The following EPB41L5 variants were observed in gnomAD, a reference collection of about 807,000 sequenced individuals.
The protein encoded by EPB41L5 is erythrocyte membrane protein band 4.1 like 5.
Under a neutral mutation model 106.6 loss-of-function variants are expected in EPB41L5, and 55 were observed. That is an observed-to-expected ratio of 0.52 (90% CI 0.42 to 0.65). EPB41L5 has a LOEUF of 0.65. Ranked by LOEUF, EPB41L5 falls within the 30% of genes least tolerant of loss-of-function variation. The probability of loss-of-function intolerance (pLI) is 0.00; values close to 1 mark genes in which losing one functional copy is unlikely to be tolerated. For synonymous variants in EPB41L5, 297 were observed against 306.7 expected (o/e 0.97, Z 0.33); for missense variants, 871 against 882.1 (o/e 0.99, Z 0.16).
At chr2:120,059,518 ACT>A (rs956383075) in intron 3 of EPB41L5, among the ~76,000 whole-genome samples, 2 of 152,278 alleles carry the variant, frequency 1.3e-5, no homozygotes, top group Non-Finnish European at 1.5e-5. Context: ...TTTGGGAAAG[ACT>A]CTGTTAATAG....
intron 7 of EPB41L5, among the ~76,000 whole-genome samples, chr2:120,076,355 G>T (rs1317363842): frequency 6.6e-6 from 1 of 151,658 alleles, no homozygotes; most frequent in Non-Finnish European, 1.5e-5. Context: ...TTGTCCCCAG[G>T]CTAGAGGGCA....
intron 2 of EPB41L5, among the ~76,000 whole-genome samples, chr2:120,029,586 A>G (rs940392619): frequency 5.6e-4 from 85 of 152,162 alleles, no homozygotes; most frequent in African/African-American, 1.7e-3. Flanking sequence ...AACAGCCTAT[A>G]ATACACCTGT....
intron 5 of EPB41L5, 112 bp downstream of exon 5, chr2:120,074,290 T>A: frequency 1.5e-6 from 1 of 686,584 alleles, no homozygotes; most frequent in Non-Finnish European, 2.4e-6. Flanking sequence ...TGTCCCCTGG[T>A]AACAAGACCT....
intron 20 of EPB41L5, among the ~76,000 whole-genome samples, chr2:120,159,869 T>C (rs1470308971): frequency 6.6e-6 from 1 of 152,172 alleles, no homozygotes; most frequent in East Asian, 1.9e-4. Flanking sequence ...GTACACACCT[T>C]GAAATACTGT....
At chr2:120,133,695 A>G (rs1417846476) in intron 18 of EPB41L5, among the ~76,000 whole-genome samples, 2 of 152,136 alleles carry the variant, frequency 1.3e-5, no homozygotes, top group African/African-American at 4.8e-5. Flanking sequence ...AAGGACTACA[A>G]TTCCTGGGCA....
chr2:120,119,877 T>C (rs1685132516), intron 16 of EPB41L5, among the ~76,000 whole-genome samples: 1 of 152,174 alleles, frequency 6.6e-6, no homozygotes, highest in Non-Finnish European at 1.5e-5. Flanking sequence ...GATTTTCAGC[T>C]CAATATAATT....
intron 3 of EPB41L5, among the ~76,000 whole-genome samples, chr2:120,050,975 T>C (rs1393650225): frequency 6.6e-6 from 1 of 152,224 alleles, no homozygotes; most frequent in Non-Finnish European, 1.5e-5. Flanking sequence ...GAACAGTGAA[T>C]ATTGCTGAAC....
Position 120,106,579 on chromosome 2 carries a change from G to A in EPB41L5, c.1337+5765G>A, listed in dbSNP as rs1248478138. 3 of 985,218 alleles carry A rather than the reference G, an allele frequency of 3.0e-6. No individual in the cohort carries two copies. The African/African-American group carries it at 5.2e-5, about 17-fold the overall frequency. The allele number at this position is 985,218 out of a possible 1,614,324, so 61.0% of individuals were successfully genotyped here. On this transcript the variant is annotated intron_variant, in intron 16 of 24. Transcript: ENST00000263713. ...GGGTCACCATCCTTTTGATCAAAGG[G>A]TGTCATCAGTACAGAACTTAAGTAT...
chr2:120,094,857 G>A (rs1683639348), intron 14 of EPB41L5, among the ~76,000 whole-genome samples: 1 of 152,104 alleles, frequency 6.6e-6, no homozygotes, highest in African/African-American at 2.4e-5. Flanking sequence ...ATTTGTGAAT[G>A]TCAAAATTTT....
In EPB41L5 at chr2:120,128,003, A is replaced by C. The variant is rs557623589; in HGVS notation, c.1501+152A>C. ...TATGCCCTCTTGCCTTTTTGACTTA[A>C]GGTAACACTGAAATATTTAAGATAA... On this transcript the variant is annotated intron_variant, in intron 17 of 24. Transcript: ENST00000263713. The C allele has an allele frequency of 1.0e-3, 560 of 557,174 alleles. 5 individuals are homozygous for C. In the East Asian group the frequency reaches 0.017, roughly 17 times the overall value. The allele number at this position is 557,174 out of a possible 1,614,324, so 34.5% of individuals were successfully genotyped here.
At chr2:120,167,016 A>T (rs888445491) in intron 22 of EPB41L5, among the ~76,000 whole-genome samples, 5 of 152,346 alleles carry the variant, frequency 3.3e-5, no homozygotes, top group African/African-American at 9.6e-5. Flanking sequence ...ATCTGTATCT[A>T]AACAGATTAT....
intron 18 of EPB41L5, 98 bp from the exon 19 acceptor site, chr2:120,142,905 C>T: frequency 9.3e-7 from 1 of 1,071,902 alleles, no homozygotes. Flanking sequence ...CACATGATTT[C>T]CTGATTGTCT....
Position 120,090,431 on chromosome 2 carries a change from C to CA in EPB41L5, c.959dup (p.His320GlnfsTer27). On this transcript the variant is annotated frameshift_variant, in exon 12 of 25. Coordinates refer to ENST00000263713, the MANE Select transcript of EPB41L5 (RefSeq NM_020909.4). LOFTEE classifies it high-confidence loss of function. ...TTTATGGAAATGTGCTGTGGAGCAT[C>CA]ATGCTTTCTTCCGCCTTCGAGGCCC... The CA allele has an allele frequency of 6.2e-7, 1 of 1,613,760 alleles. No individual in the cohort carries two copies. The highest frequency in any genetic ancestry group is 8.5e-7 in the Non-Finnish European group (1 of 1,179,808).
chr2:120,164,906 C>A lies in EPB41L5; in HGVS notation c.1958C>A (p.Pro653His). The A allele has an allele frequency of 6.2e-7, 1 of 1,606,952 alleles. No homozygotes were observed. The highest frequency in any genetic ancestry group is 8.5e-7 in the Non-Finnish European group (1 of 1,176,016). Residue 653 changes from proline to histidine, a missense_variant, in exon 22 of 25, where the codon CCT becomes CAT. Coordinates refer to ENST00000263713, the MANE Select transcript of EPB41L5 (RefSeq NM_020909.4). ...TENLIDHTVAPQVSSTSMITP... is the reference protein window; with the variant it reads ...TENLIDHTVAHQVSSTSMITP... ...AATCTAATTGATCACACAGTTGCACCTCAGGTAAATATGCTTTAAAATAGT... is the reference window on the plus strand; with the variant it reads ...AATCTAATTGATCACACAGTTGCACATCAGGTAAATATGCTTTAAAATAGT...
At chr2:120,031,760 A>G (rs1416401829) in intron 2 of EPB41L5, among the ~76,000 whole-genome samples, 1 of 152,156 alleles carries the variant, frequency 6.6e-6, no homozygotes, top group Non-Finnish European at 1.5e-5. Flanking sequence ...ACAAGATAGT[A>G]CAGAGGAAGC....
intron 3 of EPB41L5, among the ~76,000 whole-genome samples, chr2:120,053,608 G>A (rs1036662227): frequency 2.6e-5 from 4 of 152,182 alleles, no homozygotes; most frequent in Non-Finnish European, 5.9e-5. Flanking sequence ...ATCTGGAAAT[G>A]TACTTAGCAT....
chr2:120,105,120 A>G, intron 16 of EPB41L5: 1 of 977,828 alleles, frequency 1.0e-6, no homozygotes, highest in Non-Finnish European at 1.2e-6. Flanking sequence ...AAACCATATG[A>G]TTTTTAGATT....
rs756838673 is a variant in EPB41L5 at position 120,100,224 on chromosome 2, AT to A, written c.1179-11del. On this transcript the variant is annotated intron_variant, in intron 14 of 24. Transcript: ENST00000263713. The stretch of plus-strand genomic sequence containing the variant: ...AAATTTCATATAGGGTTTTTAATTG[AT>A]TTTTTTTTCCCATTACAGTGTTCAC... 7.8e-5 allele frequency: 124 copies of A among 1,590,548 alleles called. No homozygotes were observed. Among genetic ancestry groups the A allele is most frequent in the Middle Eastern group, 3.3e-4 (2 of 6,026 alleles).
At chr2:120,141,703 C>A (rs1035637277) in intron 18 of EPB41L5, among the ~76,000 whole-genome samples, 4 of 151,970 alleles carry the variant, frequency 2.6e-5, no homozygotes, top group African/African-American at 9.7e-5. Context: ...AACTAAGTTA[C>A]AATTTGGGAT....
Sources: gnomAD v4.1 joint callset for allele counts (sites outside exome capture counted in the v4.1 genomes callset) on GRCh38, gnomAD v4.1.1 for gene constraint, MANE v1.5 for transcripts, NCBI Gene and HGNC (gene_info 2026-07-23, HGNC 2026-07-21) for gene names.